CPSF4L: variants seen among roughly 807,000 people sequenced by gnomAD.
CPSF4L encodes putative cleavage and polyadenylation specificity factor subunit 4-like protein.
Under a neutral mutation model 24.0 loss-of-function variants are expected in CPSF4L, and 18 were observed. The observed-to-expected ratio is 0.75, with a 90% CI of 0.52 to 1.11. CPSF4L has a LOEUF of 1.11. Among genes scored for constraint, CPSF4L ranks in the 50% least tolerant of loss-of-function variants. The pLI is 0.00. For missense variants in CPSF4L, 211 were observed against 221.8 expected (o/e 0.95, Z 0.31); for synonymous variants, 72 against 77.2 (o/e 0.93, Z 0.35).
chr17:73,258,203 G>T (rs542679293), intron 2 of CPSF4L, among the ~76,000 whole-genome samples: 1 of 152,024 alleles, frequency 6.6e-6, no homozygotes, highest in South Asian at 2.1e-4. Context: ...GTAGAGACAG[G>T]GTTTCACCGT....
downstream of CPSF4L, chr17:73,244,506 T>C (rs1021676785): frequency 1.5e-5 from 2 of 129,502 alleles, no homozygotes; most frequent in Admixed American, 1.0e-4. Context: ...GAGGTTGCAG[T>C]GAGCCGAGAT....
chr17:73,249,142 G>A (rs1028194403), intron 5 of CPSF4L, among the ~76,000 whole-genome samples: 3 of 152,188 alleles, frequency 2.0e-5, no homozygotes, highest in East Asian at 1.9e-4. Context: ...TTCCAGCAAC[G>A]TCTGTGATGG....
At chr17:73,243,316 G>A in the CPSF4L span, 6 of 360,514 alleles carry the variant, frequency 1.7e-5, no homozygotes, top group East Asian at 1.4e-4. Flanking sequence ...CACCATGCCC[G>A]GCTAATTTTG....
At chr17:73,249,116 G>C (rs1236843853) in intron 5 of CPSF4L, among the ~76,000 whole-genome samples, 1 of 152,128 alleles carries the variant, frequency 6.6e-6, no homozygotes, top group Non-Finnish European at 1.5e-5. Context: ...GAGATTAGAA[G>C]TCTTACATGT....
intron 2 of CPSF4L, among the ~76,000 whole-genome samples, chr17:73,259,596 G>A (rs2062037472): frequency 7.0e-6 from 1 of 142,326 alleles, no homozygotes; most frequent in Non-Finnish European, 1.6e-5. Flanking sequence ...AGGAACCACT[G>A]CTCTAGGGAC....
chr17:73,246,815 A>G (rs536912441), downstream of CPSF4L, among the ~76,000 whole-genome samples: 1 of 152,274 alleles, frequency 6.6e-6, no homozygotes, highest in East Asian at 1.9e-4. Context: ...ATTTTAGTTT[A>G]ATATTACTAA....
chr17:73,261,965 T>C, upstream of CPSF4L: 6 of 646,854 alleles, frequency 9.3e-6, no homozygotes, highest in South Asian at 7.2e-5. Flanking sequence ...CAGGGGACGC[T>C]CCAGCCTGGG....
intron 5 of CPSF4L, among the ~76,000 whole-genome samples, chr17:73,252,387 C>G (rs1194415863): frequency 6.6e-6 from 1 of 152,168 alleles, no homozygotes; most frequent in African/African-American, 2.4e-5. Flanking sequence ...TGTTTCTTCT[C>G]TTATTACTAG....
chr17:73,252,525 T>TAA, intron 5 of CPSF4L, 105 bp downstream of exon 5: 1 of 745,350 alleles, frequency 1.3e-6, no homozygotes. Flanking sequence ...GCTTGCCAGA[T>TAA]GCTTCATTTT....
upstream of CPSF4L, among the ~76,000 whole-genome samples, chr17:73,262,742 G>T (rs972771262): frequency 6.6e-6 from 1 of 152,148 alleles, no homozygotes; most frequent in Non-Finnish European, 1.5e-5. Context: ...CCTCTAACTA[G>T]AGCTGCTGTT....
the CPSF4L span, chr17:73,242,993 C>T: frequency 6.2e-7 from 1 of 1,612,684 alleles, no homozygotes; most frequent in East Asian, 2.2e-5. Context: ...GCTGGAGTTT[C>T]AGACGTCTGA....
chr17:73,249,574 G>T (rs544993636), intron 5 of CPSF4L, among the ~76,000 whole-genome samples: 1 of 152,190 alleles, frequency 6.6e-6, no homozygotes, highest in South Asian at 2.1e-4. Flanking sequence ...TTACCAAGGT[G>T]GGGGGCCAGT....
At chr17:73,245,327 A>G (rs1040413670), downstream of CPSF4L, 33 of 1,396,228 alleles carry the variant, frequency 2.4e-5, no homozygotes, top group African/African-American at 4.2e-4. Flanking sequence ...AAAGAATAAA[A>G]TTATTGGAAT....
upstream of CPSF4L, chr17:73,261,989 G>C: frequency 1.7e-6 from 1 of 602,960 alleles, no homozygotes. Flanking sequence ...TACAGGAGCA[G>C]GGCCCAGCTG....
downstream of CPSF4L, chr17:73,245,111 T>A: frequency 6.5e-7 from 1 of 1,531,886 alleles, no homozygotes; most frequent in Non-Finnish European, 9.0e-7. Context: ...CAAAAGATAG[T>A]AACAGTCATT....
the CPSF4L span, chr17:73,243,151 G>A: frequency 2.8e-6 from 2 of 708,402 alleles, no homozygotes; most frequent in Non-Finnish European, 5.0e-6. Context: ...ATTGCCTGGG[G>A]TTTCTGGGTT....
At chr17:73,254,192 C>A (rs1442002916) in intron 3 of CPSF4L, among the ~76,000 whole-genome samples, 166 bp from the exon 4 acceptor site, 2 of 152,162 alleles carry the variant, frequency 1.3e-5, no homozygotes, top group African/African-American at 4.8e-5. Context: ...TTGCTGCAGT[C>A]TAAAAAGGGT....
intron 3 of CPSF4L, among the ~76,000 whole-genome samples, chr17:73,254,287 G>A (rs1246308684): frequency 3.3e-5 from 5 of 152,228 alleles, no homozygotes; most frequent in Admixed American, 3.3e-4. Context: ...AGATGGAGAA[G>A]GAGGCACTGG....
intron 2 of CPSF4L, 75 bp from the exon 3 acceptor site, chr17:73,257,908 C>G (rs2062029865): frequency 4.1e-6 from 6 of 1,481,246 alleles, no homozygotes; most frequent in African/African-American, 1.4e-5. Context: ...CCAGGGGATT[C>G]CCCAGGAGGG....
Sources: gnomAD v4.1 joint callset for allele counts (sites outside exome capture counted in the v4.1 genomes callset) on GRCh38, gnomAD v4.1.1 for gene constraint, MANE v1.5 for transcripts, NCBI Gene and HGNC (gene_info 2026-07-23, HGNC 2026-07-21) for gene names.